Variants in CLHC1 observed in about 807,000 individuals in gnomAD.
The protein encoded by CLHC1 is clathrin heavy chain linker domain-containing protein 1.
A neutral mutation model predicts 69.5 loss-of-function variants in CLHC1; 72 were observed. The observed-to-expected ratio is 1.04, with a 90% confidence interval of 0.86 to 1.26. The LOEUF is 1.26. Among genes scored for constraint, CLHC1 ranks in the 50% most tolerant of loss-of-function variants. The probability of loss-of-function intolerance (pLI) is 0.00; values close to 1 mark genes in which losing one functional copy is unlikely to be tolerated. For missense variants in CLHC1, 790 were observed against 679.3 expected, an observed-to-expected ratio of 1.16 and a Z score of -1.81; for synonymous variants, 223 against 224.3, an observed-to-expected ratio of 0.99 and a Z score of 0.05.
In CLHC1 at chr2:55,217,685, A is replaced by G. The variant is rs1407165146; in HGVS notation, c.365+126T>C. The G allele has an allele frequency of 5.5e-5, 29 of 527,398 alleles. No homozygotes were observed. The East Asian group carries it at 8.3e-4, about 15-fold the overall frequency. 32.7% of individuals were successfully genotyped at this position (527,398 alleles called of 1,614,324 possible). ...CAAGTTACTAGGAGAAGGTAACATA[A>G]AAATGCATCATTTAAATAAAATTGA... On this transcript the variant is annotated intron_variant, in intron 4 of 12. Coordinates refer to ENST00000401408, the MANE Select transcript of CLHC1 (RefSeq NM_152385.4).
At chr2:55,213,717 T>C (rs1028201838) in intron 4 of CLHC1, among the ~76,000 whole-genome samples, 1 of 152,216 alleles carries the variant, frequency 6.6e-6, no homozygotes, top group South Asian at 2.1e-4. Flanking sequence ...AGAAATAACA[T>C]ATTAAAATAC....
Position 55,175,975 on chromosome 2 carries a change from T to A in CLHC1, c.1576A>T (p.Ser526Cys). ...CAAAAGGAATCATTTATCATAAGAC[T>A]TTCTACTGCATCTGTGGGGAAAAAA... ...INKGGIDAVESLMINDSFCSI... is the reference protein window; with the variant it reads ...INKGGIDAVECLMINDSFCSI... The change falls in exon 13 of 13, where the codon AGT becomes TGT. Residue 526 changes from serine (S) to cysteine (C), a missense_variant. Transcript: ENST00000401408. The A allele has an allele frequency of 8.7e-6, 14 of 1,613,166 alleles. No homozygotes were observed. The highest frequency in any genetic ancestry group is 1.2e-5 in the Non-Finnish European group (14 of 1,179,284).
In CLHC1 at chr2:55,181,679, T is replaced by C. The variant is rs1394753135; in HGVS notation, c.1072A>G (p.Ser358Gly). The C allele has an allele frequency of 8.7e-6, 14 of 1,613,856 alleles. No homozygotes were observed. Among genetic ancestry groups the C allele is most frequent in the Non-Finnish European group, 1.1e-5 (13 of 1,179,792 alleles). Residue 358 changes from serine (S) to glycine (G), a missense_variant, in exon 10 of 13, where the codon AGT becomes GGT. Ser to Gly is a moderately conservative substitution (Grantham distance 56). Transcript: ENST00000401408. ...TCAACAGGACATGGAAAAGCATGAC[T>C]TGTGATAAAGAGGGCCTCAAAAAAT... ...LLFFEALFIT[S>G]HAFPCPVDAA...
Position 55,212,712 on chromosome 2 carries a change from A to C in CLHC1, c.460T>G (p.Tyr154Asp). The C allele has an allele frequency of 1.3e-6, 2 of 1,598,800 alleles. No individual in the cohort carries two copies. The highest frequency in any genetic ancestry group is 1.7e-6 in the Non-Finnish European group (2 of 1,166,274). The change falls in exon 5 of 13, where the codon TAT (tyrosine) becomes GAT (aspartate). Residue 154 changes from tyrosine to aspartate, a missense_variant. Transcript: ENST00000401408. The stretch of plus-strand genomic sequence containing the variant: ...GAAGGATCTTTGGAGAAAGTACAAT[A>C]TTTTACTTCTTTTGTGTCATACTCT... ...RAEYDTKEVKYCTFSKDPSKP... is the reference protein window; with the variant it reads ...RAEYDTKEVKDCTFSKDPSKP...
chr2:55,200,787 G>C (rs1671876817), intron 9 of CLHC1, among the ~76,000 whole-genome samples: 2 of 152,098 alleles, frequency 1.3e-5, no homozygotes, highest in African/African-American at 4.8e-5. Context: ...AGGCCACAAA[G>C]CAAGTATTAA....
At chr2:55,207,519 T>G (rs1007936716) in intron 8 of CLHC1, among the ~76,000 whole-genome samples, 5 of 152,194 alleles carry the variant, frequency 3.3e-5, no homozygotes, top group African/African-American at 1.2e-4. Flanking sequence ...AAATTATATT[T>G]ACCCCCTTCT....
chr2:55,225,479 C>G (rs1284139559), intron 2 of CLHC1: 1 of 152,254 alleles, frequency 6.6e-6, no homozygotes, highest in Admixed American at 6.5e-5. Context: ...CCAGGGCACT[C>G]TGGACCCGGC....
intron 9 of CLHC1, among the ~76,000 whole-genome samples, chr2:55,201,574 T>C (rs1469913591): frequency 1.3e-5 from 2 of 152,172 alleles, no homozygotes; most frequent in South Asian, 4.1e-4. Context: ...CACTTCTGAC[T>C]CTACCAAACA....
intron 9 of CLHC1, among the ~76,000 whole-genome samples, chr2:55,190,628 T>C (rs1670836313): frequency 6.6e-6 from 1 of 152,082 alleles, no homozygotes; most frequent in Admixed American, 6.6e-5. Context: ...TGGATGGGAT[T>C]AACTGCAGAT....
intron 9 of CLHC1, among the ~76,000 whole-genome samples, chr2:55,186,774 C>T (rs1280281986): frequency 6.6e-6 from 1 of 150,626 alleles, no homozygotes; most frequent in Non-Finnish European, 1.5e-5. Context: ...GACCCTGTCT[C>T]AAAAAAAATT....
chr2:55,205,479 C>G (rs973421539), intron 9 of CLHC1, among the ~76,000 whole-genome samples: 4 of 151,856 alleles, frequency 2.6e-5, no homozygotes, highest in Non-Finnish European at 5.9e-5. Flanking sequence ...AACTGAACGC[C>G]ATTATCCTAA....
At chr2:55,197,634 G>A (rs187365216) in intron 9 of CLHC1, among the ~76,000 whole-genome samples, 2 of 152,268 alleles carry the variant, frequency 1.3e-5, no homozygotes, top group Admixed American at 1.3e-4. Flanking sequence ...CCGCAAAGGT[G>A]GTACCTCTAA....
intron 9 of CLHC1, among the ~76,000 whole-genome samples, chr2:55,199,245 T>G (rs188776076): frequency 1.5e-5 from 2 of 130,798 alleles, no homozygotes; most frequent in Non-Finnish European, 1.5e-5. Context: ...TGCAGTGAGC[T>G]GAGATCATGC....
intron 12 of CLHC1, 149 bp from the exon 13 acceptor site, chr2:55,176,135 G>A (rs749377862): frequency 4.6e-5 from 31 of 668,298 alleles, no homozygotes; most frequent in Non-Finnish European, 4.0e-5. Flanking sequence ...ATAACATGCA[G>A]TGCTCAGTCA....
At chr2:55,221,018 T>G (rs935342295) in intron 3 of CLHC1, among the ~76,000 whole-genome samples, 1 of 152,230 alleles carries the variant, frequency 6.6e-6, no homozygotes, top group African/African-American at 2.4e-5. Context: ...TCAACTTTCC[T>G]TATTCTACTG....
intron 8 of CLHC1, 73 bp downstream of exon 8, chr2:55,208,553 A>T: frequency 1.1e-6 from 1 of 907,024 alleles, no homozygotes; most frequent in East Asian, 2.5e-5. Flanking sequence ...TAGATTCCCA[A>T]TCTGGTATGT....
intron 8 of CLHC1, chr2:55,206,769 T>A (rs1311192885): frequency 5.0e-6 from 1 of 199,230 alleles, no homozygotes; most frequent in Non-Finnish European, 1.0e-5. Flanking sequence ...AAGGGCAATC[T>A]GCTTAGAAAC....
rs1553343084 is a variant in CLHC1, at chr2:55,184,102, C to CTTTCTTTTTTTTTT, written c.1007-2359_1007-2358insAAAAAAAAAAGAAA. ...CCTGTTTTCTCTCTTTTCTTTCTTT[C>CTTTCTTTTTTTTTT]TTTATTTTTTTTTTTTTTTTCGAGA... On this transcript the variant is annotated intron_variant, in intron 9 of 12. Transcript: ENST00000401408. Among the ~76,000 whole-genome samples the CTTTCTTTTTTTTTT allele has an allele frequency of 1.8e-4, 2 of 10,914 alleles. 1 individual carries two copies. Among genetic ancestry groups the CTTTCTTTTTTTTTT allele is most frequent in the Non-Finnish European group, 3.4e-4 (2 of 5,806 alleles). 7.2% of individuals were successfully genotyped at this position (10,914 alleles called of 152,430 possible).
At chr2:55,202,222 A>G (rs976791975) in intron 9 of CLHC1, among the ~76,000 whole-genome samples, 4 of 150,868 alleles carry the variant, frequency 2.7e-5, no homozygotes, top group Admixed American at 6.6e-5. Flanking sequence ...AAGTTAAATT[A>G]TCTTTGTTTT....
Sources: allele counts gnomAD v4.1 joint callset (sites outside exome capture counted in the v4.1 genomes callset), GRCh38; gene constraint gnomAD v4.1.1; transcripts MANE v1.5; gene names NCBI Gene and HGNC (gene_info 2026-07-23, HGNC 2026-07-21).